The following MFSD6 variants were observed in gnomAD, a reference collection of about 807,000 sequenced individuals.
The protein encoded by MFSD6 is major facilitator superfamily domain-containing protein 6.
A neutral mutation model predicts 56.3 loss-of-function variants in MFSD6; 26 were observed. The observed-to-expected ratio is 0.46, with a 90% CI of 0.34 to 0.64. MFSD6 has a LOEUF of 0.64. Ranked by LOEUF, MFSD6 falls within the 30% of genes least tolerant of loss-of-function variation. The pLI is 0.01. For missense variants in MFSD6, 750 were observed against 986.2 expected, an observed-to-expected ratio of 0.76 and a Z score of 3.21; for synonymous variants, 331 against 366.9, an observed-to-expected ratio of 0.90 and a Z score of 1.12.
intron 4 of MFSD6, among the ~76,000 whole-genome samples, chr2:190,476,951 A>G (rs934259701): frequency 2.0e-5 from 3 of 151,164 alleles, no homozygotes; most frequent in Non-Finnish European, 2.9e-5. Flanking sequence ...AACTATTGTA[A>G]GGACAAAAAA....
rs764503877 is a variant in MFSD6 at position 190,488,540 on chromosome 2, A to G, written c.1631-117A>G. 17 of 971,244 alleles carry G rather than the reference A, an allele frequency of 1.8e-5. No individual in the cohort carries two copies. The highest frequency in any genetic ancestry group is 2.4e-4 in the Middle Eastern group (1 of 4,086). The allele number at this position is 971,244 out of a possible 1,614,324, so 60.2% of individuals were successfully genotyped here. A position where few individuals can be genotyped will look rare whatever the true frequency, so the allele number is the denominator to read the frequency against. ...TGTGAAAATGGTAAATTTTTAATGT[A>G]TGTTTTCCCACAACAAATCTTAAAA... On this transcript the variant is annotated intron_variant, in intron 4 of 7. Transcript: ENST00000392328. The surrounding 1 kb of genome is among the most constrained non-coding windows in gnomAD (Gnocchi z 6.4).
At chr2:190,448,648 A>G (rs1686668701) in intron 3 of MFSD6, among the ~76,000 whole-genome samples, 1 of 152,210 alleles carries the variant, frequency 6.6e-6, no homozygotes, top group Non-Finnish European at 1.5e-5. Flanking sequence ...TTACATATAT[A>G]TAAAGACATT....
chr2:190,408,109 GC>G (rs1690376292), upstream of MFSD6, among the ~76,000 whole-genome samples: 1 of 151,994 alleles, frequency 6.6e-6, no homozygotes, highest in African/African-American at 2.4e-5. Context: ...GGCAGTCGAC[GC>G]ATCCGCCGCC....
At position 190,469,173 on chromosome 2, in the gene MFSD6, T is replaced by C. The variant is rs1037701753; in HGVS notation, c.1533-585T>C. 6.6e-6 allele frequency among the ~76,000 whole-genome samples: 1 copy of C among 152,222 alleles called. No individual in the cohort carries two copies. Among genetic ancestry groups the C allele is most frequent in the African/African-American group, 2.4e-5 (1 of 41,458 alleles). ...TTTTTAAAAGATGAACATGTATCCA[T>C]TGAACTGATAGGAGAAACTATTTGA... On this transcript the variant is annotated intron_variant, in intron 3 of 7. Transcript: ENST00000392328. The surrounding 1 kb of genome is among the most constrained non-coding windows in gnomAD (Gnocchi z 5.3).
rs139139758 is a variant in MFSD6 at position 190,441,422 on chromosome 2, G to A, written c.1532+3861G>A. ...GATTCTAGTTTGTGCAGCCAAGGTT[G>A]AGAACCACCAGGCTAATGGGAGGCA... On this transcript the variant is annotated intron_variant, in intron 3 of 7. Coordinates refer to ENST00000392328, the MANE Select transcript of MFSD6 (RefSeq NM_017694.4). Among the ~76,000 whole-genome samples the A allele has an allele frequency of 4.0e-3, 602 of 151,060 alleles. 6 individuals carry two copies. Among genetic ancestry groups the A allele is most frequent in the South Asian group, 0.017 (82 of 4,754 alleles).
In MFSD6 at chr2:190,425,032, T is replaced by A. The variant is rs1434767332; in HGVS notation, c.-54+9619T>A. 1.3e-5 allele frequency among the ~76,000 whole-genome samples: 2 copies of A among 152,246 alleles called. No individual in the cohort carries two copies. The highest frequency in any genetic ancestry group is 2.9e-5 in the Non-Finnish European group (2 of 68,050). On this transcript the variant is annotated intron_variant, in intron 2 of 7. Transcript: ENST00000392328. The surrounding 1 kb of genome is among the most constrained non-coding windows in gnomAD (Gnocchi z 4.3). Reference sequence around the variant, plus strand: ...TTATTTAGCTCTTTGATTTCTTTCATCAGCATTTTATGGTTTTCAGCATAA... The same window carrying A: ...TTATTTAGCTCTTTGATTTCTTTCAACAGCATTTTATGGTTTTCAGCATAA...
At position 190,436,648 on chromosome 2, in the gene MFSD6, A is replaced by C; in HGVS notation, c.619A>C (p.Asn207His). Reference protein sequence around the residue: ...EKRNLLETRLNVSDTVTLPTA... With the variant: ...EKRNLLETRLHVSDTVTLPTA... ...AAGAAACCTTTTGGAAACAAGGCTCAATGTCTCAGACACCGTTACTTTGCC... is the reference window on the plus strand; with the variant it reads ...AAGAAACCTTTTGGAAACAAGGCTCCATGTCTCAGACACCGTTACTTTGCC... The change falls in exon 3 of 8, where the codon AAT becomes CAT. Residue 207 changes from asparagine to histidine, a missense_variant. Coordinates refer to ENST00000392328, the MANE Select transcript of MFSD6 (RefSeq NM_017694.4). This position sits in a 1 kb window ranked among gnomAD's most constrained non-coding sequence, Gnocchi z 5.3. 6.2e-7 allele frequency: 1 copy of C among 1,614,202 alleles called. No homozygotes were observed. The highest frequency in any genetic ancestry group is 1.7e-5 in the Admixed American group (1 of 60,028).
chr2:190,436,983 A>G lies in MFSD6; in HGVS notation c.954A>G (p.Gly318=). Residue 318 remains glycine, a synonymous_variant, in exon 3 of 8, where the codon GGA becomes GGG. Transcript: ENST00000392328. The surrounding 1 kb of genome is among the most constrained non-coding windows in gnomAD (Gnocchi z 5.3). ...IVDTVTLQYL[G]KHRDRYGLQR... ...ACACGGTCACACTCCAGTATCTGGGAAAACACAGAGATCGCTATGGGTTGC... is the reference window on the plus strand; with the variant it reads ...ACACGGTCACACTCCAGTATCTGGGGAAACACAGAGATCGCTATGGGTTGC... 6.2e-7 allele frequency: 1 copy of G among 1,614,228 alleles called. No individual in the cohort carries two copies. Among genetic ancestry groups the G allele is most frequent in the Non-Finnish European group, 8.5e-7 (1 of 1,180,050 alleles).
Position 190,436,497 on chromosome 2 carries a change from C to T in MFSD6, c.468C>T (p.Thr156=). 1 of 1,614,218 alleles carries T rather than the reference C, an allele frequency of 6.2e-7. No individual in the cohort carries two copies. The highest frequency in any genetic ancestry group is 8.5e-7 in the Non-Finnish European group (1 of 1,180,042). ...GCATTGGATTTGTCAAACCTGCTAC[C>T]TTGAGATGTGTACCAAAGATTCGCC... ...NLGIGFVKPA[T]LRCVPKIRPT... The change falls in exon 3 of 8, where the codon ACC becomes ACT. Residue 156 remains threonine, a synonymous_variant. Coordinates refer to ENST00000392328, the MANE Select transcript of MFSD6 (RefSeq NM_017694.4). This position sits in a 1 kb window ranked among gnomAD's most constrained non-coding sequence, Gnocchi z 5.3.
intron 4 of MFSD6, among the ~76,000 whole-genome samples, chr2:190,474,114 G>A (rs940623791): frequency 6.6e-6 from 1 of 152,122 alleles, no homozygotes; most frequent in Non-Finnish European, 1.5e-5. Context: ...GAGAAAGCAG[G>A]AAAGATCCAA....
chr2:190,435,837 C>T, intron 2 of MFSD6, 140 bp from the exon 3 acceptor site: 1 of 732,330 alleles, frequency 1.4e-6, no homozygotes, highest in Non-Finnish European at 2.1e-6. Context: ...TATTGTGTGG[C>T]TGCAAGTGAT....
rs975253660 is a variant in MFSD6, at chr2:190,465,980, G to T, written c.1533-3778G>T. 3.3e-5 allele frequency among the ~76,000 whole-genome samples: 5 copies of T among 152,092 alleles called. No homozygotes were observed. The highest frequency in any genetic ancestry group is 2.6e-4 in the Admixed American group (4 of 15,268). On this transcript the variant is annotated intron_variant, in intron 3 of 7. Transcript: ENST00000392328. This position sits in a 1 kb window ranked among gnomAD's most constrained non-coding sequence, Gnocchi z 4.6. The stretch of plus-strand genomic sequence containing the variant: ...TGCAAAAAACAAACAAAAAAACTCG[G>T]AAGTTTATTTCTTCACAGTTCTGGA...
intron 4 of MFSD6, among the ~76,000 whole-genome samples, chr2:190,479,879 T>G (rs1394766804): frequency 6.6e-6 from 1 of 152,162 alleles, no homozygotes; most frequent in East Asian, 1.9e-4. Context: ...ATGTCATCAG[T>G]TAGGGGGACT....
rs959255016 is a variant in MFSD6 at position 190,418,844 on chromosome 2, G to C, written c.-54+3431G>C. 6.6e-6 allele frequency among the ~76,000 whole-genome samples: 1 copy of C among 152,108 alleles called. No homozygotes were observed. The highest frequency in any genetic ancestry group is 1.5e-5 in the Non-Finnish European group (1 of 68,020). ...CAATCCCAGTGGAATGCTGCTAGTA[G>C]CAGCTCTGGGGAGCTAGTAGCAGCT... On this transcript the variant is annotated intron_variant, in intron 2 of 7. Coordinates refer to ENST00000392328, the MANE Select transcript of MFSD6 (RefSeq NM_017694.4). The surrounding 1 kb of genome is among the most constrained non-coding windows in gnomAD (Gnocchi z 4.1).
intron 1 of MFSD6, among the ~76,000 whole-genome samples, chr2:190,409,612 C>T (rs758583444): frequency 6.6e-6 from 1 of 152,146 alleles, no homozygotes; most frequent in African/African-American, 2.4e-5. Context: ...GAAATCTAAC[C>T]TCTTAAGTAT....
chr2:190,455,023 G>C (rs1244879057), intron 3 of MFSD6, among the ~76,000 whole-genome samples: 1 of 139,824 alleles, frequency 7.2e-6, no homozygotes, highest in Non-Finnish European at 1.5e-5. Flanking sequence ...ATGTATATGT[G>C]TGTTGGTAAG....
intron 4 of MFSD6, among the ~76,000 whole-genome samples, chr2:190,486,129 A>T (rs1688996038): frequency 6.6e-6 from 1 of 152,266 alleles, no homozygotes; most frequent in Non-Finnish European, 1.5e-5. Flanking sequence ...AGATGAGACC[A>T]GAGCAGTGTT....
rs1050452715 is a variant in MFSD6, at chr2:190,469,941, A to C, written c.1630+86A>C. ...CCAGTGGCCTTCAGCATCTGATTCT[A>C]TAAAGGAAGGGCAGGCCTACTGTTT... On this transcript the variant is annotated intron_variant, in intron 4 of 7. Transcript: ENST00000392328. The surrounding 1 kb of genome is among the most constrained non-coding windows in gnomAD (Gnocchi z 5.3). 23 of 911,634 alleles carry C rather than the reference A, an allele frequency of 2.5e-5. No homozygotes were observed. Among genetic ancestry groups the C allele is most frequent in the Non-Finnish European group, 3.8e-5 (22 of 580,700 alleles). 56.5% of individuals were successfully genotyped at this position (911,634 alleles called of 1,614,324 possible). A position where few individuals can be genotyped will look rare whatever the true frequency, so the allele number is the denominator to read the frequency against.
At position 190,447,166 on chromosome 2, in the gene MFSD6, A is replaced by G. The variant is rs1398963963; in HGVS notation, c.1532+9605A>G. On this transcript the variant is annotated intron_variant, in intron 3 of 7. Transcript: ENST00000392328. The surrounding 1 kb of genome is among the most constrained non-coding windows in gnomAD (Gnocchi z 4.5). ...GCGCACTCAAGGTGTCTGACATGGA[A>G]TTATTTTAACACAATGAGTATTAGA... Among the ~76,000 whole-genome samples the G allele has an allele frequency of 6.6e-6, 1 of 152,068 alleles. No homozygotes were observed. Among genetic ancestry groups the G allele is most frequent in the Non-Finnish European group, 1.5e-5 (1 of 68,040 alleles).
Sources: allele counts gnomAD v4.1 joint callset (sites outside exome capture counted in the v4.1 genomes callset), GRCh38; gene constraint gnomAD v4.1.1; non-coding constraint Gnocchi (gnomAD v3.1); transcripts MANE v1.5; gene names NCBI Gene and HGNC (gene_info 2026-07-23, HGNC 2026-07-21).